Variants in TANGO6 observed in about 807,000 individuals in gnomAD.
TANGO6 encodes transport and Golgi organization protein 6 homolog.
TANGO6 carries 90 observed loss-of-function variants against 114.2 expected under a neutral mutation model. The ratio of observed to expected loss-of-function variants is 0.79; its 90% CI spans 0.66 to 0.94. TANGO6 has a LOEUF of 0.94. Ranked by LOEUF, TANGO6 falls within the 40% of genes least tolerant of loss-of-function variation. The pLI, the probability that TANGO6 is intolerant of heterozygous loss-of-function variation, is 0.00. For missense variants in TANGO6, 1,274 were observed against 1,315.3 expected (o/e 0.97, Z 0.49); for synonymous variants, 477 against 509.8 (o/e 0.94, Z 0.87).
At chr16:68,984,526 A>AT (rs556931119) in intron 15 of TANGO6, among the ~76,000 whole-genome samples, 19 of 146,088 alleles carry the variant, frequency 1.3e-4, no homozygotes, top group South Asian at 6.6e-4. Context: ...GACAGTTTGG[A>AT]TTTTTTTTTT....
At chr16:69,021,136 T>A (rs1460056514) in intron 15 of TANGO6, among the ~76,000 whole-genome samples, 1 of 152,118 alleles carries the variant, frequency 6.6e-6, no homozygotes, top group Non-Finnish European at 1.5e-5. Context: ...AGGCCTCTCA[T>A]TGTACTCTGA....
At chr16:69,032,875 CAAAA>C (rs11300295) in intron 16 of TANGO6, among the ~76,000 whole-genome samples, 4 of 124,096 alleles carry the variant, frequency 3.2e-5, no homozygotes, top group Admixed American at 8.2e-5. Flanking sequence ...GACTCCATCT[CAAAA>C]AAAAAAAAAA....
In TANGO6 at chr16:68,860,398, G is replaced by T. The variant is rs374800733; in HGVS notation, c.609G>T (p.Leu203=). The change falls in exon 2 of 18, where the codon CTG becomes CTT. Residue 203 remains leucine, a synonymous_variant. Transcript: ENST00000261778. ...RRLYTSCKAL[L]NVAQHTSLGS... ...TGTACACCAGCTGCAAGGCCCTTCT[G>T]AATGTTGCTCAGCACACATCTCTGG... 11 of 1,613,988 alleles carry T rather than the reference G, an allele frequency of 6.8e-6. No homozygotes were observed. In the South Asian group the frequency reaches 7.7e-5, roughly 11 times the overall value.
At chr16:69,044,811 G>A (rs1408111719) in intron 17 of TANGO6, among the ~76,000 whole-genome samples, 1 of 152,122 alleles carries the variant, frequency 6.6e-6, no homozygotes, top group Non-Finnish European at 1.5e-5. Context: ...GAGCTCAGGA[G>A]TTCAAGACCA....
chr16:68,979,972 T>TA (rs1424157474), intron 15 of TANGO6, among the ~76,000 whole-genome samples: 1 of 151,740 alleles, frequency 6.6e-6, no homozygotes, highest in Non-Finnish European at 1.5e-5. Flanking sequence ...GCCTCCTGAG[T>TA]AGCTGGGACT....
At chr16:68,918,292 T>C (rs766730235) in intron 11 of TANGO6, among the ~76,000 whole-genome samples, 1 of 152,222 alleles carries the variant, frequency 6.6e-6, no homozygotes, top group Non-Finnish European at 1.5e-5. Context: ...ATGAATATTT[T>C]CTCCCAGTCT....
chr16:68,855,048 AG>A (rs1961963011), intron 1 of TANGO6, among the ~76,000 whole-genome samples: 1 of 150,546 alleles, frequency 6.6e-6, no homozygotes, highest in East Asian at 2.0e-4. Context: ...TCTGTCACCC[AG>A]GTTGGAGTCC....
intron 15 of TANGO6, among the ~76,000 whole-genome samples, chr16:69,000,115 T>TA: frequency 6.6e-6 from 1 of 152,338 alleles, no homozygotes; most frequent in African/African-American, 2.4e-5. Flanking sequence ...TTATAATTAT[T>TA]ACTGATAATG....
At chr16:69,063,028 G>C (rs1432475309) in intron 17 of TANGO6, among the ~76,000 whole-genome samples, 1 of 151,746 alleles carries the variant, frequency 6.6e-6, no homozygotes, top group East Asian at 2.0e-4. Context: ...AAGAGTTCGA[G>C]ACCAACCTGG....
chr16:68,847,105 G>A (rs1164942295), intron 1 of TANGO6, among the ~76,000 whole-genome samples: 2 of 151,594 alleles, frequency 1.3e-5, no homozygotes, highest in Admixed American at 1.3e-4. Context: ...GGTCAGGCTG[G>A]TCTCGAACTC....
chr16:68,979,068 C>A (rs532746072), intron 15 of TANGO6, among the ~76,000 whole-genome samples: 1 of 151,280 alleles, frequency 6.6e-6, no homozygotes, highest in African/African-American at 2.4e-5. Flanking sequence ...CACAGGTGTG[C>A]GCCACCATAC....
At chr16:69,007,321 G>A (rs1006797960) in intron 15 of TANGO6, among the ~76,000 whole-genome samples, 12 of 143,586 alleles carry the variant, frequency 8.4e-5, no homozygotes, top group Non-Finnish European at 1.8e-4. Context: ...CCAGGCTGGA[G>A]TGCAGTGGCA....
chr16:69,019,531 A>C (rs1016194025), intron 15 of TANGO6, among the ~76,000 whole-genome samples: 2 of 152,224 alleles, frequency 1.3e-5, no homozygotes, highest in Admixed American at 1.3e-4. Context: ...ACGAAAAAAA[A>C]CAAACTTCTT....
chr16:69,083,351 A>T (rs1450192559), intron 17 of TANGO6, 134 bp from the exon 18 acceptor site: 3 of 1,162,088 alleles, frequency 2.6e-6, no homozygotes, highest in Non-Finnish European at 3.5e-6. Flanking sequence ...GAGCCACTGC[A>T]CCCAGCCACA....
At chr16:68,871,506 T>C (rs905135659) in intron 4 of TANGO6, among the ~76,000 whole-genome samples, 2 of 152,210 alleles carry the variant, frequency 1.3e-5, no homozygotes, top group Non-Finnish European at 2.9e-5. Context: ...AGATCTCTCT[T>C]TCTGAGATTT....
rs756238532 is a variant in TANGO6 at position 68,907,503 on chromosome 16, G to A, written c.1728G>A (p.Glu576=). Residue 576 remains glutamate, a synonymous_variant, in exon 10 of 18, where the codon GAG becomes GAA. Coordinates refer to ENST00000261778, the MANE Select transcript of TANGO6 (RefSeq NM_024562.2). ...QKVSSEQGRV[E]HLGDLLSHCQ... ...TATCCTCTGAGCAGGGCCGGGTGGA[G>A]CATCTCGGGGACTTGCTGTCCCACT... The A allele has an allele frequency of 1.6e-5, 26 of 1,613,636 alleles. No homozygotes were observed. The South Asian group carries it at 2.5e-4, about 16-fold the overall frequency.
At chr16:68,887,071 G>C (rs1464268111) in intron 7 of TANGO6, among the ~76,000 whole-genome samples, 4 of 152,228 alleles carry the variant, frequency 2.6e-5, no homozygotes. Context: ...GCCTCCCATA[G>C]TGCTGGGATT....
intron 15 of TANGO6, among the ~76,000 whole-genome samples, chr16:69,019,587 C>T (rs1959366247): frequency 6.6e-6 from 1 of 152,230 alleles, no homozygotes; most frequent in South Asian, 2.1e-4. Flanking sequence ...GTCATGCTTT[C>T]GAGCAACCTC....
At chr16:69,082,101 A>G (rs915608209) in intron 17 of TANGO6, among the ~76,000 whole-genome samples, 1 of 152,028 alleles carries the variant, frequency 6.6e-6, no homozygotes, top group East Asian at 2.0e-4. Context: ...CTCCTGCCTC[A>G]TCCTCCCAAG....
Sources: gnomAD v4.1 joint callset for allele counts (sites outside exome capture counted in the v4.1 genomes callset) on GRCh38, gnomAD v4.1.1 for gene constraint, MANE v1.5 for transcripts, NCBI Gene and HGNC (gene_info 2026-07-23, HGNC 2026-07-21) for gene names.